The following PTGFR variants were observed in gnomAD, a reference collection of about 807,000 sequenced individuals.
PTGFR encodes the protein prostaglandin F receptor.
Under a neutral mutation model 26.2 loss-of-function variants are expected in PTGFR, and 15 were observed. That is an observed-to-expected ratio of 0.57 (90% confidence interval 0.38 to 0.88). The LOEUF (loss-of-function observed/expected upper bound fraction) is 0.88, where lower values mean the gene tolerates loss of function less well. Among genes scored for constraint, PTGFR ranks in the 40% least tolerant of loss-of-function variants. The probability of loss-of-function intolerance (pLI) is 0.00; values close to 1 mark genes in which losing one functional copy is unlikely to be tolerated. For missense variants in PTGFR, 369 were observed against 427.2 expected, an observed-to-expected ratio of 0.86 and a Z score of 1.20; for synonymous variants, 165 against 151.1, an observed-to-expected ratio of 1.09 and a Z score of -0.68.
rs1359552792 is a variant in PTGFR at position 78,539,435 on chromosome 1, T to C, written c.*2748T>C. 1 of 152,470 alleles carries C rather than the reference T, an allele frequency of 6.6e-6. No homozygotes were observed. The highest frequency in any genetic ancestry group is 1.9e-4 in the East Asian group (1 of 5,194). The allele number at this position is 152,470 out of a possible 1,614,324, so 9.4% of individuals were successfully genotyped here. A position where few individuals can be genotyped will look rare whatever the true frequency, so the allele number is the denominator to read the frequency against. On this transcript the variant is annotated 3_prime_UTR_variant, in exon 3 of 3. Transcript: ENST00000370757. ...TCATTGTTCCAAATTAAATAACTGT[T>C]TTGGGTCAGAATATAAATGCTGGGA...
chr1:78,536,574 T>G lies in PTGFR; in HGVS notation c.967T>G (p.Cys323Gly). The change falls in exon 3 of 3, where the codon TGT (cysteine) becomes GGT (glycine). Residue 323 changes from cysteine (C) to glycine (G), a missense_variant. By Grantham distance (159) the Cys-to-Gly change is radical. Transcript: ENST00000370757. ...KNLYKLASQC[C>G]GVHVISLHIW... is the part of the protein sequence containing the mutation. ...TCTCTATAAGCTTGCCAGTCAATGC[T>G]GTGGAGTGCATGTCATCAGCTTACA... is the stretch of plus-strand genomic sequence containing the variant. 6.2e-7 allele frequency: 1 copy of G among 1,613,486 alleles called. No individual in the cohort carries two copies. The highest frequency in any genetic ancestry group is 8.5e-7 in the Non-Finnish European group (1 of 1,179,584).
At chr1:78,507,888 T>A (rs1455654336) in intron 2 of PTGFR, among the ~76,000 whole-genome samples, 1 of 152,228 alleles carries the variant, frequency 6.6e-6, no homozygotes, top group Non-Finnish European at 1.5e-5. Flanking sequence ...TTGCTGGTTA[T>A]TGAGTTGTTA....
chr1:78,496,913 TA>T (rs1649567172), intron 2 of PTGFR, among the ~76,000 whole-genome samples: 1 of 145,282 alleles, frequency 6.9e-6, no homozygotes, highest in Non-Finnish European at 1.5e-5. Context: ...GCTTTATTAT[TA>T]ATATCTTGCT....
At chr1:78,500,233 T>G (rs373331476) in intron 2 of PTGFR, among the ~76,000 whole-genome samples, 22 of 152,222 alleles carry the variant, frequency 1.4e-4, no homozygotes, top group African/African-American at 4.8e-4. Context: ...CTTTACCAGC[T>G]GATTAAATGA....
chr1:78,499,458 T>C (rs940221115), intron 2 of PTGFR, among the ~76,000 whole-genome samples: 1 of 152,192 alleles, frequency 6.6e-6, no homozygotes, highest in African/African-American at 2.4e-5. Context: ...GCCTGGCATA[T>C]AGTTGGGGTC....
intron 2 of PTGFR, among the ~76,000 whole-genome samples, chr1:78,503,174 T>C (rs1488066604): frequency 6.6e-6 from 1 of 152,054 alleles, no homozygotes; most frequent in Non-Finnish European, 1.5e-5. Context: ...ATACAGCAGG[T>C]TATAATAAGT....
chr1:78,523,251 G>T (rs1376540819), intron 2 of PTGFR, among the ~76,000 whole-genome samples: 1 of 152,018 alleles, frequency 6.6e-6, no homozygotes, highest in Non-Finnish European at 1.5e-5. Flanking sequence ...ATTGATTCAA[G>T]GAGAACTGGC....
chr1:78,500,095 A>G (rs893872602), intron 2 of PTGFR, among the ~76,000 whole-genome samples: 1 of 151,860 alleles, frequency 6.6e-6, no homozygotes, highest in African/African-American at 2.4e-5. Context: ...TGAGAGAATC[A>G]TGTTGGGGGA....
At chr1:78,501,809 T>C (rs1649713291) in intron 2 of PTGFR, among the ~76,000 whole-genome samples, 1 of 152,166 alleles carries the variant, frequency 6.6e-6, no homozygotes, top group Non-Finnish European at 1.5e-5. Flanking sequence ...AAGACAATTG[T>C]GCATATCCGT....
intron 2 of PTGFR, among the ~76,000 whole-genome samples, chr1:78,495,488 AGT>A (rs1649524911): frequency 6.6e-6 from 1 of 152,082 alleles, no homozygotes; most frequent in South Asian, 2.1e-4. Context: ...ATACAAAGAA[AGT>A]GAGAAAAGAA....
chr1:78,496,044 G>C (rs1649540236), intron 2 of PTGFR, among the ~76,000 whole-genome samples: 1 of 152,144 alleles, frequency 6.6e-6, no homozygotes, highest in Non-Finnish European at 1.5e-5. Flanking sequence ...ATTTTGAGTT[G>C]TTTTAAGCAT....
chr1:78,518,584 AC>A (rs1650149239), intron 2 of PTGFR, among the ~76,000 whole-genome samples: 1 of 99,018 alleles, frequency 1.0e-5, no homozygotes, highest in East Asian at 9.9e-4. Flanking sequence ...ACACACACAC[AC>A]ACACACACAC....
Position 78,493,186 on chromosome 1 carries a change from C to T in PTGFR, c.443C>T (p.Thr148Ile). The part of the protein sequence containing the change: ...TKPIFHSTKI[T>I]SKHVKMMLSG... ...CCAATATTTCATTCTACGAAAATTA[C>T]ATCCAAACATGTGAAAATGATGTTA... The change falls in exon 2 of 3, where the codon ACA becomes ATA. Residue 148 changes from threonine (T) to isoleucine (I), a missense_variant. Physicochemically the swap from Thr to Ile is moderately conservative, Grantham distance 89 (BLOSUM62 -1). Transcript: ENST00000370757. The T allele has an allele frequency of 6.2e-7, 1 of 1,614,204 alleles. No individual in the cohort carries two copies. Among genetic ancestry groups the T allele is most frequent in the Non-Finnish European group, 8.5e-7 (1 of 1,180,042 alleles).
chr1:78,529,338 A>G (rs1242733068), intron 2 of PTGFR, among the ~76,000 whole-genome samples: 1 of 152,148 alleles, frequency 6.6e-6, no homozygotes, highest in Non-Finnish European at 1.5e-5. Flanking sequence ...CATAGATGGG[A>G]TGCTAATAAT....
intron 2 of PTGFR, chr1:78,532,373 T>G (rs1570300990): frequency 8.6e-6 from 1 of 115,870 alleles, no homozygotes; most frequent in Non-Finnish European, 1.5e-5. Flanking sequence ...TTTATATATA[T>G]ATATATATAT....
At chr1:78,530,888 G>C (rs1276733294) in intron 2 of PTGFR, among the ~76,000 whole-genome samples, 8 of 151,212 alleles carry the variant, frequency 5.3e-5, no homozygotes, top group Non-Finnish European at 1.0e-4. Context: ...GCAAGTTAAT[G>C]TGTCTGTGAC....
At chr1:78,503,765 G>A (rs185665908) in intron 2 of PTGFR, among the ~76,000 whole-genome samples, 1 of 152,284 alleles carries the variant, frequency 6.6e-6, no homozygotes. Flanking sequence ...GGTCAGGGAG[G>A]TAATGGCTTA....
At chr1:78,491,816 C>T (rs1238582677) in intron 1 of PTGFR, among the ~76,000 whole-genome samples, 1 of 152,160 alleles carries the variant, frequency 6.6e-6, no homozygotes, top group Non-Finnish European at 1.5e-5. Flanking sequence ...GCTAGCTGCT[C>T]GGGAAACGCC....
intron 2 of PTGFR, among the ~76,000 whole-genome samples, chr1:78,498,130 A>G (rs1181105147): frequency 6.6e-6 from 1 of 152,190 alleles, no homozygotes; most frequent in Non-Finnish European, 1.5e-5. Context: ...TACTAAAGGT[A>G]TTGGCTTCAT....
Sources: allele counts gnomAD v4.1 joint callset (sites outside exome capture counted in the v4.1 genomes callset), GRCh38; gene constraint gnomAD v4.1.1; transcripts MANE v1.5; gene names NCBI Gene and HGNC (gene_info 2026-07-23, HGNC 2026-07-21).